ERC2: variants seen among roughly 807,000 people sequenced by gnomAD.
ERC2 encodes ERC protein 2.
ERC2 carries 42 observed loss-of-function variants against 114.8 expected under a neutral mutation model. The ratio of observed to expected loss-of-function variants is 0.37; its 90% CI spans 0.29 to 0.47. ERC2 has a LOEUF of 0.47. Ranked by LOEUF, ERC2 falls within the 20% of genes least tolerant of loss-of-function variation. The pLI, the probability that ERC2 is intolerant of heterozygous loss-of-function variation, is 0.99. For missense variants in ERC2, 939 were observed against 1,150.7 expected, an observed-to-expected ratio of 0.82 and a Z score of 2.66; for synonymous variants, 454 against 425.5, an observed-to-expected ratio of 1.07 and a Z score of -0.82.
chr3:55,725,131 G>T (rs1364807039), intron 15 of ERC2, among the ~76,000 whole-genome samples: 4 of 152,144 alleles, frequency 2.6e-5, no homozygotes, highest in African/African-American at 4.8e-5. Flanking sequence ...TCTGCCAACT[G>T]CTCAGTGCTG....
intron 2 of ERC2, among the ~76,000 whole-genome samples, chr3:56,431,837 T>A (rs2061805321): frequency 6.6e-6 from 1 of 152,226 alleles, no homozygotes; most frequent in Admixed American, 6.5e-5. Context: ...ATATACAGAT[T>A]AATACTAGAG....
intron 3 of ERC2, among the ~76,000 whole-genome samples, chr3:56,202,601 T>A (rs908069464): frequency 3.3e-5 from 5 of 152,068 alleles, no homozygotes; most frequent in African/African-American, 1.2e-4. Flanking sequence ...AATGTAATGT[T>A]TTAATATAGA....
rs1559693290 is a variant in ERC2 at position 55,583,523 on chromosome 3, CCCTTCCTTCCTTCCTTCCTTT to C, written c.*40-72268_*40-72248del. Among the ~76,000 whole-genome samples the C allele has an allele frequency of 2.0e-3, 75 of 36,900 alleles. 3 individuals are homozygous for C. Among genetic ancestry groups the C allele is most frequent in the African/African-American group, 7.3e-3 (52 of 7,154 alleles). The allele number at this position is 36,900 out of a possible 152,430, so 24.2% of individuals were successfully genotyped here. ...TCCCTCCCTCCCTCCCTCCCTCCCT[CCCTTCCTTCCTTCCTTCCTTT>C]CTTCCTTCCTTCCTTCCTTCCTTCC... On this transcript the variant is annotated intron_variant, in intron 17 of 17. Coordinates refer to ENST00000288221, the MANE Select transcript of ERC2 (RefSeq NM_015576.3).
intron 3 of ERC2, among the ~76,000 whole-genome samples, chr3:56,205,738 GT>G (rs1173090783): frequency 6.6e-6 from 1 of 152,162 alleles, no homozygotes; most frequent in Non-Finnish European, 1.5e-5. Flanking sequence ...ATCCACTTGT[GT>G]CCTACAGGAG....
intron 15 of ERC2, among the ~76,000 whole-genome samples, chr3:55,715,592 G>A (rs994452076): frequency 1.3e-5 from 2 of 152,070 alleles, no homozygotes; most frequent in African/African-American, 4.8e-5. Context: ...TGCCAGCCAA[G>A]TCCTACCCTA....
intron 16 of ERC2, among the ~76,000 whole-genome samples, chr3:55,694,331 C>T (rs977990808): frequency 3.3e-5 from 5 of 152,100 alleles, no homozygotes; most frequent in Non-Finnish European, 4.4e-5. Context: ...ACTATGGGAG[C>T]AGTTCATTCA....
At chr3:56,248,554 C>A (rs2150225385) in intron 3 of ERC2, among the ~76,000 whole-genome samples, 1 of 152,358 alleles carries the variant, frequency 6.6e-6, no homozygotes, top group Non-Finnish European at 1.5e-5. Flanking sequence ...TCTCCTGAAT[C>A]CTTGAGCTCC....
At chr3:56,314,056 T>G (rs1050489337) in intron 2 of ERC2, among the ~76,000 whole-genome samples, 2 of 152,110 alleles carry the variant, frequency 1.3e-5, no homozygotes, top group Non-Finnish European at 2.9e-5. Context: ...CTGTGTTAGT[T>G]TGCTAAGGAT....
At chr3:55,763,838 G>A (rs528549578) in intron 14 of ERC2, among the ~76,000 whole-genome samples, 158 of 152,232 alleles carry the variant, frequency 1.0e-3, no homozygotes, top group Middle Eastern at 3.4e-3. Context: ...ATGTCAGTCT[G>A]TTTCTAAAAA....
chr3:55,568,069 A>G (rs1194610017), intron 17 of ERC2, among the ~76,000 whole-genome samples: 1 of 152,192 alleles, frequency 6.6e-6, no homozygotes, highest in East Asian at 1.9e-4. Flanking sequence ...ATATTAAAAT[A>G]GTTATTATTT....
intron 1 of ERC2, among the ~76,000 whole-genome samples, chr3:56,445,413 G>T (rs560202433): frequency 6.6e-6 from 1 of 151,978 alleles, no homozygotes; most frequent in Admixed American, 6.5e-5. Context: ...AATCTTCTCC[G>T]TTGTTTCCAC....
chr3:56,126,619 G>A (rs578040407), intron 6 of ERC2, among the ~76,000 whole-genome samples: 1 of 152,028 alleles, frequency 6.6e-6, no homozygotes, highest in Non-Finnish European at 1.5e-5. Flanking sequence ...TTAGTTGGGT[G>A]TGGTGGTATG....
intron 17 of ERC2, among the ~76,000 whole-genome samples, chr3:55,636,139 G>A (rs2059950968): frequency 1.3e-5 from 2 of 152,060 alleles, no homozygotes; most frequent in Non-Finnish European, 2.9e-5. Flanking sequence ...GCCTCCCAAA[G>A]TGCTGGGATT....
intron 3 of ERC2, among the ~76,000 whole-genome samples, chr3:56,182,365 C>T (rs1033962906): frequency 6.6e-6 from 1 of 152,320 alleles, no homozygotes; most frequent in African/African-American, 2.4e-5. Flanking sequence ...TCAACAAACA[C>T]TGATGGCTTG....
chr3:55,531,015 G>T (rs1176770841), intron 17 of ERC2, among the ~76,000 whole-genome samples: 1 of 152,126 alleles, frequency 6.6e-6, no homozygotes, highest in Non-Finnish European at 1.5e-5. Context: ...TCATTATGTT[G>T]CATTTTGGAG....
intron 11 of ERC2, among the ~76,000 whole-genome samples, chr3:55,989,567 G>A (rs1173201781): frequency 6.6e-6 from 1 of 152,192 alleles, no homozygotes; most frequent in African/African-American, 2.4e-5. Flanking sequence ...TAGTGCTGCT[G>A]TACTAGCTTC....
chr3:55,949,375 G>GA (rs980029191), intron 13 of ERC2, among the ~76,000 whole-genome samples: 5 of 143,404 alleles, frequency 3.5e-5, no homozygotes, highest in Non-Finnish European at 3.1e-5. Context: ...ATCTCAAAAA[G>GA]AAAAAAAAAA....
chr3:55,940,809 G>A (rs146575618), intron 13 of ERC2, among the ~76,000 whole-genome samples: 13 of 152,180 alleles, frequency 8.5e-5, no homozygotes, highest in Admixed American at 2.0e-4. Context: ...AGCTTAATCC[G>A]TTTCCATAAA....
chr3:56,412,837 A>G (rs2060994703), intron 2 of ERC2, among the ~76,000 whole-genome samples: 1 of 152,230 alleles, frequency 6.6e-6, no homozygotes, highest in Non-Finnish European at 1.5e-5. Flanking sequence ...TTATTCTAAT[A>G]TCTACTTAAT....
Sources: allele counts gnomAD v4.1 joint callset (sites outside exome capture counted in the v4.1 genomes callset), GRCh38; gene constraint gnomAD v4.1.1; transcripts MANE v1.5; gene names NCBI Gene and HGNC (gene_info 2026-07-23, HGNC 2026-07-21).